TTC23L: variants seen among roughly 807,000 people sequenced by gnomAD.
The protein encoded by TTC23L is tetratricopeptide repeat domain 23 like.
TTC23L carries 42 observed loss-of-function variants against 48.1 expected under a neutral mutation model. The observed-to-expected ratio is 0.87, with a 90% confidence interval of 0.68 to 1.13. The LOEUF is 1.13. Ranked by LOEUF, TTC23L falls within the 50% of genes most tolerant of loss-of-function variation. TTC23L has a pLI of 0.00. For synonymous variants in TTC23L, 159 were observed against 157.2 expected (o/e 1.01, Z -0.09); for missense variants, 391 against 421.0 (o/e 0.93, Z 0.62).
At chr5:34,913,036 T>C in the TTC23L span, among the ~76,000 whole-genome samples, 1 of 152,142 alleles carries the variant, frequency 6.6e-6, no homozygotes, top group African/African-American at 2.4e-5. Flanking sequence ...AAAATAGACA[T>C]AACTTATAAA....
chr5:34,843,636 T>G (rs761098294), intron 2 of TTC23L, among the ~76,000 whole-genome samples: 3 of 152,222 alleles, frequency 2.0e-5, no homozygotes, highest in Non-Finnish European at 2.9e-5. Flanking sequence ...ATATGCAGCT[T>G]AAGCAAAATT....
At chr5:34,923,047 T>A in the TTC23L span, 2 of 1,555,264 alleles carry the variant, frequency 1.3e-6, no homozygotes, top group Non-Finnish European at 1.8e-6. Context: ...GAACTCTTAA[T>A]TCAGGTAAAT....
chr5:34,921,163 TTAAA>T, the TTC23L span: 13 of 152,216 alleles, frequency 8.5e-5, no homozygotes, highest in African/African-American at 2.7e-4. Context: ...GTTTAAAGTC[TTAAA>T]TAATGTGGAG....
chr5:34,895,620 GC>G, intron 9 of TTC23L, among the ~76,000 whole-genome samples: 1 of 152,312 alleles, frequency 6.6e-6, no homozygotes, highest in Non-Finnish European at 1.5e-5. Context: ...TAAGGAAGGT[GC>G]CTCAATGCCT....
intron 8 of TTC23L, among the ~76,000 whole-genome samples, chr5:34,878,338 A>AC (rs1761999300): frequency 6.6e-6 from 1 of 152,200 alleles, no homozygotes; most frequent in Non-Finnish European, 1.5e-5. Context: ...CATCTCAAAA[A>AC]GAAAAAAATA....
chr5:34,924,397 A>G, the TTC23L span, among the ~76,000 whole-genome samples: 45,585 of 152,154 alleles, frequency 0.3, 8,594 homozygotes, highest in Non-Finnish European at 0.42. Flanking sequence ...TTTTAATTCC[A>G]TAATCAGTAG....
intron 8 of TTC23L, among the ~76,000 whole-genome samples, chr5:34,875,043 A>G (rs1050893503): frequency 4.6e-5 from 7 of 152,198 alleles, no homozygotes; most frequent in African/African-American, 1.7e-4. Flanking sequence ...AATCAAAAGA[A>G]TGCAAGAGTA....
At chr5:34,879,385 T>C (rs1457257813) in intron 8 of TTC23L, among the ~76,000 whole-genome samples, 1 of 152,204 alleles carries the variant, frequency 6.6e-6, no homozygotes, top group East Asian at 1.9e-4. Flanking sequence ...TCTAGATTGA[T>C]ATAAACGTAT....
chr5:34,924,807 C>T, the TTC23L span: 6,811 of 1,477,130 alleles, frequency 4.6e-3, 20 homozygotes, highest in Non-Finnish European at 5.3e-3. Context: ...TTGGGAATAA[C>T]GTAACCAAAC....
At chr5:34,915,607 C>G in the TTC23L span, 10 of 1,192,696 alleles carry the variant, frequency 8.4e-6, no homozygotes, top group Non-Finnish European at 1.1e-5. Context: ...CCACCGAGAC[C>G]GGAAGGAGGC....
chr5:34,858,715 C>T (rs1037156314), intron 4 of TTC23L, among the ~76,000 whole-genome samples: 8 of 152,130 alleles, frequency 5.3e-5, no homozygotes, highest in Admixed American at 3.9e-4. Flanking sequence ...TGATTTCCCC[C>T]TCACACTCTT....
At chr5:34,902,044 G>A (rs1561165739), downstream of TTC23L, among the ~76,000 whole-genome samples, 1 of 152,150 alleles carries the variant, frequency 6.6e-6, no homozygotes, top group Non-Finnish European at 1.5e-5. Context: ...TGAATTTAGC[G>A]ACAGAGAAAT....
intron 9 of TTC23L, among the ~76,000 whole-genome samples, chr5:34,882,538 C>T (rs1257187560): frequency 6.6e-6 from 1 of 151,546 alleles, no homozygotes; most frequent in Non-Finnish European, 1.5e-5. Flanking sequence ...CTCCTGCCTC[C>T]AAGCTTCATG....
chr5:34,915,874 C>T, the TTC23L span: 1 of 1,559,670 alleles, frequency 6.4e-7, no homozygotes, highest in Non-Finnish European at 8.7e-7. Flanking sequence ...AGAGAGGGAC[C>T]GGATCCCAGG....
chr5:34,903,890 G>A (rs1162095284), downstream of TTC23L, among the ~76,000 whole-genome samples: 5 of 151,878 alleles, frequency 3.3e-5, no homozygotes, highest in Admixed American at 2.6e-4. Flanking sequence ...AACAATCTCT[G>A]TACCAAGTTA....
chr5:34,893,119 T>G (rs1762978025), intron 9 of TTC23L, among the ~76,000 whole-genome samples: 1 of 152,088 alleles, frequency 6.6e-6, no homozygotes. Context: ...AGGAAGAACG[T>G]GTAGAGGACA....
chr5:34,915,835 C>G, the TTC23L span: 2 of 1,570,322 alleles, frequency 1.3e-6, no homozygotes, highest in Non-Finnish European at 1.7e-6. Flanking sequence ...AGCTAAGCGG[C>G]ACGCCACAGC....
chr5:34,845,742 C>G lies in TTC23L; in HGVS notation c.255+69C>G, dbSNP rs1237213246. 2.8e-6 allele frequency: 4 copies of G among 1,431,334 alleles called. No individual in the cohort carries two copies. In the East Asian group the frequency reaches 9.5e-5, roughly 34 times the overall value. The allele number at this position is 1,431,334 out of a possible 1,614,324, so 88.7% of individuals were successfully genotyped here. Reference sequence around the variant, plus strand: ...ATGTTCCTGTTTAGAGAAGCTTTGCCTTCGATGCAGATTGAAGCATATGAA... The same window carrying G: ...ATGTTCCTGTTTAGAGAAGCTTTGCGTTCGATGCAGATTGAAGCATATGAA... On this transcript the variant is annotated intron_variant, in intron 3 of 10. Coordinates refer to ENST00000505624, the Ensembl canonical transcript of TTC23L.
At chr5:34,867,317 C>G (rs747761048) in intron 7 of TTC23L, 1 of 539,224 alleles carries the variant, frequency 1.9e-6, no homozygotes, top group Admixed American at 3.2e-5. Context: ...CCCCCTCCCC[C>G]TCTTATCTCT....
Sources: gnomAD v4.1 joint callset for allele counts (sites outside exome capture counted in the v4.1 genomes callset) on GRCh38, gnomAD v4.1.1 for gene constraint, MANE v1.5 for transcripts, NCBI Gene and HGNC (gene_info 2026-07-23, HGNC 2026-07-21) for gene names.